The following ADAM23 variants were observed in gnomAD, a reference collection of about 807,000 sequenced individuals.
ADAM23 encodes the protein ADAM metallopeptidase domain 23, also known as disintegrin and metalloproteinase domain-containing protein 23.
ADAM23 carries 33 observed loss-of-function variants against 120.1 expected under a neutral mutation model. The observed-to-expected ratio is 0.27, with a 90% CI of 0.21 to 0.37. The LOEUF (loss-of-function observed/expected upper bound fraction) is 0.37, where lower values mean the gene tolerates loss of function less well. Among genes scored for constraint, ADAM23 ranks in the 10% least tolerant of loss-of-function variants. ADAM23 has a pLI of 1.00. For missense variants in ADAM23, 862 were observed against 1,058.2 expected, an observed-to-expected ratio of 0.81 and a Z score of 2.57; for synonymous variants, 367 against 375.2, an observed-to-expected ratio of 0.98 and a Z score of 0.25.
At chr2:206,582,637 T>G (rs1300594731) in intron 18 of ADAM23, among the ~76,000 whole-genome samples, 2 of 152,194 alleles carry the variant, frequency 1.3e-5, no homozygotes, top group Non-Finnish European at 2.9e-5. Context: ...AACTTGTATT[T>G]TTGTTTTATA....
chr2:206,491,506 T>C (rs1215697213), intron 3 of ADAM23, among the ~76,000 whole-genome samples: 1 of 152,220 alleles, frequency 6.6e-6, no homozygotes, highest in East Asian at 1.9e-4. Context: ...TTTGCGGGTA[T>C]CCACCCCAAT....
intron 3 of ADAM23, among the ~76,000 whole-genome samples, chr2:206,522,338 T>A (rs1696861830): frequency 6.6e-6 from 1 of 152,166 alleles, no homozygotes; most frequent in Non-Finnish European, 1.5e-5. Context: ...CTTACTTAAC[T>A]GTTATTATTT....
In ADAM23 at chr2:206,510,066, C is replaced by T. The variant is rs144675780; in HGVS notation, c.510-20819C>T. The stretch of plus-strand genomic sequence containing the variant: ...TTGAGACTCATTTCCTAGACTTGGT[C>T]TCTTTATTTAGTTCCTTCCTAGTTT... On this transcript the variant is annotated intron_variant, in intron 3 of 25. Coordinates refer to ENST00000264377, the MANE Select transcript of ADAM23 (RefSeq NM_003812.4). Among the ~76,000 whole-genome samples the T allele has an allele frequency of 9.6e-3, 1,459 of 152,248 alleles. 38 individuals are homozygous for T. Among genetic ancestry groups the T allele is most frequent in the Non-Finnish European group, 9.2e-3 (623 of 68,012 alleles).
At chr2:206,578,399 G>A (rs1698159772) in intron 18 of ADAM23, among the ~76,000 whole-genome samples, 1 of 148,302 alleles carries the variant, frequency 6.7e-6, no homozygotes, top group Non-Finnish European at 1.5e-5. Context: ...TCATTATCAT[G>A]TCTTTGCGTC....
intron 7 of ADAM23, 22 bp from the exon 8 acceptor site, chr2:206,548,259 T>C: frequency 6.2e-7 from 1 of 1,604,310 alleles, no homozygotes; most frequent in Non-Finnish European, 8.5e-7. Flanking sequence ...AAAATTTTGA[T>C]ACTAATTTTT....
intron 3 of ADAM23, among the ~76,000 whole-genome samples, chr2:206,517,318 G>T (rs1219890553): frequency 6.6e-6 from 1 of 152,120 alleles, no homozygotes. Context: ...TGCCACTGCC[G>T]TGTGCTACCT....
At chr2:206,448,687 T>C (rs1036092019) in intron 2 of ADAM23, among the ~76,000 whole-genome samples, 5 of 152,172 alleles carry the variant, frequency 3.3e-5, no homozygotes, top group African/African-American at 1.2e-4. Context: ...GTCATGCCTA[T>C]GTAAGGAAGC....
intron 2 of ADAM23, among the ~76,000 whole-genome samples, chr2:206,477,897 A>AAAAAATATATATATATAT: frequency 1.1e-5 from 1 of 93,570 alleles, no homozygotes; most frequent in Non-Finnish European, 2.0e-5. Flanking sequence ...AAAAAAAAAA[A>AAAAAATATATATATATAT]ATATATATAT....
chr2:206,523,942 A>G (rs539107834), intron 3 of ADAM23, among the ~76,000 whole-genome samples: 5 of 152,286 alleles, frequency 3.3e-5, no homozygotes, highest in African/African-American at 7.2e-5. Context: ...TCGAGGCTCC[A>G]TGAAGTTGAG....
Position 206,449,191 on chromosome 2 carries a change from T to G in ADAM23, c.432+3667T>G, listed in dbSNP as rs556525940. Among the ~76,000 whole-genome samples the G allele has an allele frequency of 2.0e-5, 3 of 152,218 alleles. No individual in the cohort carries two copies. The East Asian group carries it at 5.8e-4, about 29-fold the overall frequency. ...GTCAGAAGTGTTGGGTTAAGTGTTG[T>G]GTGAGACTAGAGAAGGAAAAAACAT... is the stretch of plus-strand genomic sequence containing the variant. On this transcript the variant is annotated intron_variant, in intron 2 of 25. Coordinates refer to ENST00000264377, the MANE Select transcript of ADAM23 (RefSeq NM_003812.4).
intron 2 of ADAM23, among the ~76,000 whole-genome samples, chr2:206,446,833 A>G (rs922858596): frequency 1.3e-5 from 2 of 152,130 alleles, no homozygotes; most frequent in African/African-American, 2.4e-5. Context: ...CTAATAGGTC[A>G]TGTCTAACTC....
rs1011236352 is a variant in ADAM23 at position 206,494,248 on chromosome 2, C to T, written c.509+12940C>T. 2.0e-5 allele frequency among the ~76,000 whole-genome samples: 3 copies of T among 152,184 alleles called. No individual in the cohort carries two copies. The East Asian group carries it at 5.8e-4, about 29-fold the overall frequency. ...ATTCTGCAAAATGGAAACTGAAACC[C>T]TTTGACCAACCAAGGGATTCTTAGA... is the stretch of plus-strand genomic sequence containing the variant. On this transcript the variant is annotated intron_variant, in intron 3 of 25. Coordinates refer to ENST00000264377, the MANE Select transcript of ADAM23 (RefSeq NM_003812.4).
At chr2:206,560,279 A>C (rs559794812) in intron 11 of ADAM23, among the ~76,000 whole-genome samples, 161 bp downstream of exon 11, 1 of 151,932 alleles carries the variant, frequency 6.6e-6, no homozygotes, top group East Asian at 1.9e-4. Context: ...AGGATATCCC[A>C]TGCTGGGATG....
intron 14 of ADAM23, among the ~76,000 whole-genome samples, chr2:206,565,722 C>G (rs1196056446): frequency 4.6e-5 from 7 of 152,190 alleles, no homozygotes; most frequent in Admixed American, 6.5e-5. Context: ...TAAGCCATAA[C>G]CCACTCCTAG....
chr2:206,456,143 C>T (rs748149596), intron 2 of ADAM23, among the ~76,000 whole-genome samples: 25 of 152,044 alleles, frequency 1.6e-4, no homozygotes, highest in Non-Finnish European at 2.5e-4. Flanking sequence ...CTCACAGTTC[C>T]GTAAGCTATA....
rs148548132 is a variant in ADAM23 at position 206,515,777 on chromosome 2, A to G, written c.510-15108A>G. 3.0e-3 allele frequency among the ~76,000 whole-genome samples: 449 copies of G among 152,092 alleles called. 4 individuals are homozygous for G. The highest frequency in any genetic ancestry group is 0.01 in the African/African-American group (426 of 41,492). ...AGGCTTGCTATTTTTAGAGAAGGAG[A>G]AAGTTGCCTTTTGTTCTCTCTGTGC... On this transcript the variant is annotated intron_variant, in intron 3 of 25. Transcript: ENST00000264377.
intron 3 of ADAM23, among the ~76,000 whole-genome samples, chr2:206,510,247 A>C (rs1285430687): frequency 6.6e-6 from 1 of 152,110 alleles, no homozygotes; most frequent in African/African-American, 2.4e-5. Context: ...AAGAAAAACA[A>C]ATGAAATGAA....
intron 3 of ADAM23, 34 bp from the exon 4 acceptor site, chr2:206,530,851 A>G (rs932970851): frequency 2.5e-6 from 4 of 1,591,776 alleles, no homozygotes; most frequent in South Asian, 2.2e-5. Flanking sequence ...AGTGTCTTAG[A>G]TGCAGAAATC....
At chr2:206,596,306 G>A in intron 24 of ADAM23, 144 bp downstream of exon 24, 1 of 585,634 alleles carries the variant, frequency 1.7e-6, no homozygotes, top group Admixed American at 3.2e-5. Flanking sequence ...TTATGTTACT[G>A]CCAAATTAAG....
Sources: allele counts gnomAD v4.1 joint callset (sites outside exome capture counted in the v4.1 genomes callset), GRCh38; gene constraint gnomAD v4.1.1; transcripts MANE v1.5; gene names NCBI Gene and HGNC (gene_info 2026-07-23, HGNC 2026-07-21).